Variants in FOXP2 observed in about 807,000 individuals in gnomAD.
FOXP2 encodes forkhead box P2, also known as forkhead box protein P2.
In FOXP2, 12 loss-of-function variants were observed where a neutral mutation model predicts 115.8. The observed-to-expected ratio is 0.10, with a 90% CI of 0.07 to 0.17. The LOEUF is 0.17. Among genes scored for constraint, FOXP2 ranks in the 10% least tolerant of loss-of-function variants. The pLI is 1.00. For missense variants in FOXP2, 629 were observed against 843.5 expected (o/e 0.75, Z 3.15); for synonymous variants, 328 against 297.7 (o/e 1.10, Z -1.05).
intron 2 of FOXP2, chr7:114,297,054 A>ATT (rs879207214): frequency 9.5e-5 from 32 of 335,708 alleles, no homozygotes; most frequent in South Asian, 3.7e-4. Context: ...CACTATATGC[A>ATT]TTTTTTTTTT....
chr7:114,385,097 G>T (rs1328914686), intron 2 of FOXP2, among the ~76,000 whole-genome samples: 1 of 151,608 alleles, frequency 6.6e-6, no homozygotes, highest in African/African-American at 2.4e-5. Context: ...CAAACTCGGG[G>T]CCCTGGCAAG....
chr7:114,669,316 A>C (rs1359324778), intron 16 of FOXP2: 1 of 152,048 alleles, frequency 6.6e-6, no homozygotes, highest in African/African-American at 2.4e-5. Context: ...GATTCTACAT[A>C]ATAATTTTTT....
Position 114,642,285 on chromosome 7 carries a change from G to T in FOXP2, c.776-125G>T, listed in dbSNP as rs2129332803. ...GATAGTGTAAAAGTGATTTTTTGTT[G>T]TATATTAATTTATGCAGGTAACATC... is the stretch of plus-strand genomic sequence containing the variant. On this transcript the variant is annotated intron_variant, in intron 6 of 16. Coordinates refer to ENST00000350908, the MANE Select transcript of FOXP2 (RefSeq NM_014491.4). 19 of 740,598 alleles carry T rather than the reference G, an allele frequency of 2.6e-5. No homozygotes were observed. In the Admixed American group the frequency reaches 2.7e-4, roughly 11 times the overall value. 45.9% of individuals were successfully genotyped at this position (740,598 alleles called of 1,614,324 possible).
intron 2 of FOXP2, among the ~76,000 whole-genome samples, chr7:114,368,833 A>G (rs1009912333): frequency 2.0e-5 from 3 of 152,246 alleles, no homozygotes; most frequent in Admixed American, 2.0e-4. Context: ...CTTTGACAAG[A>G]AGGTATAATT....
intron 2 of FOXP2, among the ~76,000 whole-genome samples, chr7:114,361,828 C>T (rs1374572485): frequency 2.0e-5 from 3 of 151,976 alleles, no homozygotes; most frequent in Non-Finnish European, 4.4e-5. Context: ...TGCATTTTTT[C>T]CCCTAGACTT....
At chr7:114,264,084 C>A (rs1053040199) in intron 1 of FOXP2, among the ~76,000 whole-genome samples, 1 of 151,944 alleles carries the variant, frequency 6.6e-6, no homozygotes, top group Non-Finnish European at 1.5e-5. Context: ...TCTCTAAGAC[C>A]CTGTCAAGGT....
At chr7:114,531,585 C>G (rs1799145000) in intron 2 of FOXP2, among the ~76,000 whole-genome samples, 1 of 151,808 alleles carries the variant, frequency 6.6e-6, no homozygotes, top group African/African-American at 2.4e-5. Context: ...TCCTGATCTC[C>G]TAGAATTGTT....
At chr7:114,355,033 C>G (rs1040717338) in intron 2 of FOXP2, among the ~76,000 whole-genome samples, 4 of 152,226 alleles carry the variant, frequency 2.6e-5, no homozygotes, top group East Asian at 1.9e-4. Context: ...TATGACATAT[C>G]TATAACTAAT....
chr7:114,544,236 A>G (rs554320550), intron 3 of FOXP2, among the ~76,000 whole-genome samples: 2 of 152,146 alleles, frequency 1.3e-5, no homozygotes, highest in Non-Finnish European at 2.9e-5. Flanking sequence ...GTAAATCAGT[A>G]GAGACTTTAA....
intron 2 of FOXP2, among the ~76,000 whole-genome samples, chr7:114,430,554 T>G (rs996734701): frequency 6.6e-6 from 1 of 151,816 alleles, no homozygotes; most frequent in African/African-American, 2.4e-5. Context: ...ATAGGAAAAC[T>G]TAACACTCAC....
At chr7:114,242,116 G>C (rs1795171149) in intron 1 of FOXP2, among the ~76,000 whole-genome samples, 1 of 150,792 alleles carries the variant, frequency 6.6e-6, no homozygotes, top group Non-Finnish European at 1.5e-5. Flanking sequence ...TTAGATGAAA[G>C]TTCTCATGAG....
At chr7:114,471,633 C>A in intron 2 of FOXP2, among the ~76,000 whole-genome samples, 1 of 152,014 alleles carries the variant, frequency 6.6e-6, no homozygotes. Context: ...TTCTTAAAAA[C>A]TGCTTGTTCC....
intron 2 of FOXP2, among the ~76,000 whole-genome samples, chr7:114,522,326 C>A (rs907063458): frequency 6.6e-6 from 1 of 152,080 alleles, no homozygotes. Context: ...TTTCTACCAG[C>A]CTGAGTTTCA....
intron 1 of FOXP2, among the ~76,000 whole-genome samples, chr7:114,240,108 T>C (rs561122862): frequency 6.6e-6 from 1 of 152,296 alleles, no homozygotes; most frequent in African/African-American, 2.4e-5. Flanking sequence ...ACTGAAATTG[T>C]CCTATTTATG....
At chr7:114,544,222 T>C (rs1321830602) in intron 3 of FOXP2, among the ~76,000 whole-genome samples, 2 of 152,092 alleles carry the variant, frequency 1.3e-5, no homozygotes, top group African/African-American at 4.8e-5. Context: ...CTCACAAATA[T>C]TGAGTAAATC....
chr7:114,421,629 A>G (rs1184130262), intron 1 of FOXP2, among the ~76,000 whole-genome samples: 1 of 151,716 alleles, frequency 6.6e-6, no homozygotes, highest in Non-Finnish European at 1.5e-5. Flanking sequence ...CACTTGGTAT[A>G]GTAAAAATAT....
chr7:114,096,659 T>C (rs2129139979), intron 1 of FOXP2, among the ~76,000 whole-genome samples: 1 of 152,346 alleles, frequency 6.6e-6, no homozygotes, highest in Non-Finnish European at 1.5e-5. Flanking sequence ...AATAAGTATA[T>C]GCACATGCTT....
chr7:114,322,955 C>T (rs1015784673), intron 2 of FOXP2, among the ~76,000 whole-genome samples: 1 of 152,126 alleles, frequency 6.6e-6, no homozygotes. Context: ...ATCAATGTCA[C>T]AGAGAACTTG....
intron 2 of FOXP2, among the ~76,000 whole-genome samples, chr7:114,388,966 A>G (rs911962745): frequency 6.6e-6 from 1 of 152,230 alleles, no homozygotes; most frequent in Non-Finnish European, 1.5e-5. Context: ...GTTGAATATT[A>G]CTGATGATAT....
Sources: allele counts gnomAD v4.1 joint callset (sites outside exome capture counted in the v4.1 genomes callset), GRCh38; gene constraint gnomAD v4.1.1; transcripts MANE v1.5; gene names NCBI Gene and HGNC (gene_info 2026-07-23, HGNC 2026-07-21).